Variants in SH3KBP1 observed in about 807,000 individuals in gnomAD.
SH3KBP1 encodes SH3 domain containing kinase binding protein 1.
A neutral mutation model predicts 50.1 loss-of-function variants in SH3KBP1; 8 were observed. The ratio of observed to expected loss-of-function variants is 0.16; its 90% confidence interval spans 0.09 to 0.29. The LOEUF (loss-of-function observed/expected upper bound fraction) is 0.29, where lower values mean the gene tolerates loss of function less well. Ranked by LOEUF, SH3KBP1 falls within the 10% of genes least tolerant of loss-of-function variation. The pLI is 1.00. For synonymous variants in SH3KBP1, 227 were observed against 218.6 expected, an observed-to-expected ratio of 1.04 and a Z score of -0.34; for missense variants, 377 against 535.2, an observed-to-expected ratio of 0.70 and a Z score of 2.92.
At chrX:19,558,743 C>T (rs902272894) in intron 13 of SH3KBP1, among the ~76,000 whole-genome samples, 1 of 111,640 alleles carries the variant, frequency 9.0e-6, no homozygotes, top group Non-Finnish European at 1.9e-5. Flanking sequence ...AATTATTTTT[C>T]TTTTGGATTG....
At chrX:19,882,626 C>T (rs189336816) in intron 1 of SH3KBP1, among the ~76,000 whole-genome samples, 3 of 112,146 alleles carry the variant, frequency 2.7e-5, no homozygotes, top group Admixed American at 1.9e-4. Flanking sequence ...GGATGATAAA[C>T]ATGTGATGTC....
At chrX:19,784,327 G>A (rs2066271888) in intron 2 of SH3KBP1, among the ~76,000 whole-genome samples, 1 of 111,949 alleles carries the variant, frequency 8.9e-6, no homozygotes, top group Non-Finnish European at 1.9e-5. Flanking sequence ...TGTATATCTA[G>A]GAAATGTGGT....
chrX:19,735,933 C>T, intron 3 of SH3KBP1, among the ~76,000 whole-genome samples: 1 of 110,416 alleles, frequency 9.1e-6, no homozygotes, highest in Non-Finnish European at 1.9e-5. Flanking sequence ...ACTGTGTTAG[C>T]CAGGATGGTC....
intron 2 of SH3KBP1, among the ~76,000 whole-genome samples, chrX:19,772,696 G>A (rs920736597): frequency 3.6e-5 from 4 of 111,447 alleles, no homozygotes; most frequent in Non-Finnish European, 5.7e-5. Flanking sequence ...GGAGATGGGC[G>A]AGGACAAATG....
intron 2 of SH3KBP1, among the ~76,000 whole-genome samples, chrX:19,793,107 A>G (rs1220474242): frequency 2.8e-5 from 3 of 108,821 alleles, no homozygotes; most frequent in Non-Finnish European, 5.7e-5. Context: ...GACCAGCCTG[A>G]GCAATATAGT....
intron 2 of SH3KBP1, among the ~76,000 whole-genome samples, chrX:19,768,846 A>G (rs1426783194): frequency 3.6e-5 from 4 of 109,633 alleles, no homozygotes; most frequent in African/African-American, 1.3e-4. Context: ...TGTTGGAGGC[A>G]TTCAGGTTGA....
rs921048248 is a variant in SH3KBP1, at chrX:19,831,583, G to A, written c.162+4542C>T. On this transcript the variant is annotated intron_variant, in intron 2 of 17. Coordinates refer to ENST00000397821, the MANE Select transcript of SH3KBP1 (RefSeq NM_031892.3). Reference sequence around the variant, plus strand: ...GAGGCAGACGGATCACCTGAGGTAGGGAGTTCGAGACCAGCCTGACCAACA... The same window carrying A: ...GAGGCAGACGGATCACCTGAGGTAGAGAGTTCGAGACCAGCCTGACCAACA... Among the ~76,000 whole-genome samples the A allele has an allele frequency of 3.7e-5, 4 of 107,790 alleles. No homozygotes were observed. In the South Asian group the frequency reaches 1.6e-3, roughly 44 times the overall value. The allele number at this position is 107,790 out of a possible 115,157, so 93.6% of individuals were successfully genotyped here.
chrX:19,701,525 C>G (rs185274378), intron 4 of SH3KBP1, among the ~76,000 whole-genome samples: 1 of 111,525 alleles, frequency 9.0e-6, no homozygotes, highest in African/African-American at 3.3e-5. Flanking sequence ...TAATGCAGAG[C>G]AAGGCTCTAC....
intron 1 of SH3KBP1, among the ~76,000 whole-genome samples, chrX:19,848,768 T>TATTG (rs200893302): frequency 0.06 from 6,632 of 109,928 alleles, 257 homozygotes; most frequent in Middle Eastern, 0.17. Flanking sequence ...CAGCTGTGGA[T>TATTG]ATTGATTGAT....
intron 2 of SH3KBP1, among the ~76,000 whole-genome samples, chrX:19,769,940 C>T (rs184344701): frequency 9.0e-6 from 1 of 111,680 alleles, no homozygotes; most frequent in Admixed American, 9.5e-5. Flanking sequence ...CTTAAAATGT[C>T]TACACACAGT....
chrX:19,784,315 C>T (rs781009241), intron 2 of SH3KBP1, among the ~76,000 whole-genome samples: 4 of 111,885 alleles, frequency 3.6e-5, no homozygotes, highest in East Asian at 2.8e-4. Flanking sequence ...GTTTTCTATC[C>T]GTGTATATCT....
intron 8 of SH3KBP1, among the ~76,000 whole-genome samples, chrX:19,609,409 C>T (rs184649544): frequency 8.9e-6 from 1 of 112,121 alleles, no homozygotes; most frequent in East Asian, 2.8e-4. Context: ...CATCCTGACC[C>T]TGAGCCTGCT....
chrX:19,717,727 A>C (rs2063948338), intron 3 of SH3KBP1, among the ~76,000 whole-genome samples: 1 of 111,831 alleles, frequency 8.9e-6, no homozygotes, highest in South Asian at 3.7e-4. Context: ...TGTAGTCTGA[A>C]GCATCTGTAA....
At chrX:19,676,277 C>A (rs780739695) in intron 6 of SH3KBP1, among the ~76,000 whole-genome samples, 1 of 102,723 alleles carries the variant, frequency 9.7e-6, no homozygotes, top group East Asian at 3.2e-4. Flanking sequence ...AGATCATCAC[C>A]TTATTGACAT....
intron 15 of SH3KBP1, 62 bp downstream of exon 15, chrX:19,545,860 T>C: frequency 8.7e-7 from 1 of 1,154,892 alleles, no homozygotes; most frequent in Non-Finnish European, 1.2e-6. Context: ...GTTTGGTTTA[T>C]AACCCATCAT....
intron 2 of SH3KBP1, among the ~76,000 whole-genome samples, chrX:19,799,057 A>G (rs1292548545): frequency 9.0e-6 from 1 of 111,080 alleles, no homozygotes; most frequent in Non-Finnish European, 1.9e-5. Flanking sequence ...GACAGACCCC[A>G]AGCTGACTTT....
At position 19,887,495 on chromosome X, in the gene SH3KBP1, T is replaced by G; in HGVS notation, c.-185A>C. The G allele has an allele frequency of 3.4e-6, 1 of 294,441 alleles. No individual in the cohort carries two copies. Among genetic ancestry groups the G allele is most frequent in the Non-Finnish European group, 5.7e-6 (1 of 176,174 alleles). The allele number at this position is 294,441 out of a possible 1,213,427, so 24.3% of individuals were successfully genotyped here. A position where few individuals can be genotyped will look rare whatever the true frequency, so the allele number is the denominator to read the frequency against. On this transcript the variant is annotated 5_prime_UTR_variant, in exon 1 of 18. Transcript: ENST00000397821. ...CAGCGCCGCCCGCTGCTGCCTCTGC[T>G]GCTGCTGCCGCTGCTGCCCCGGGGC... is the stretch of plus-strand genomic sequence containing the variant.
At chrX:19,616,450 C>T (rs1381012916) in intron 8 of SH3KBP1, among the ~76,000 whole-genome samples, 2 of 112,099 alleles carry the variant, frequency 1.8e-5, no homozygotes, top group African/African-American at 6.5e-5. Context: ...AAACAGTAAA[C>T]ACATTTCCTC....
chrX:19,618,522 G>T (rs951890347), intron 8 of SH3KBP1, among the ~76,000 whole-genome samples: 1 of 111,258 alleles, frequency 9.0e-6, no homozygotes, highest in African/African-American at 3.3e-5. Flanking sequence ...GTGGAACATG[G>T]CTATATAGTT....
Sources: gnomAD v4.1 joint callset for allele counts (sites outside exome capture counted in the v4.1 genomes callset) on GRCh38, gnomAD v4.1.1 for gene constraint, MANE v1.5 for transcripts, NCBI Gene and HGNC (gene_info 2026-07-23, HGNC 2026-07-21) for gene names.